The following UBR4 variants were observed in gnomAD, a reference collection of about 807,000 sequenced individuals.
UBR4 encodes the protein E3 ubiquitin-protein ligase UBR4.
In UBR4, 124 loss-of-function variants were observed where a neutral mutation model predicts 575.6. The ratio of observed to expected loss-of-function variants is 0.22; its 90% CI spans 0.19 to 0.25. The LOEUF (loss-of-function observed/expected upper bound fraction) is 0.25. Ranked by LOEUF, UBR4 falls within the 10% of genes least tolerant of loss-of-function variation. UBR4 has a pLI of 1.00. For synonymous variants in UBR4, 2,455 were observed against 2,473.7 expected, an observed-to-expected ratio of 0.99 and a Z score of 0.22; for missense variants, 4,818 against 6,478.8, an observed-to-expected ratio of 0.74 and a Z score of 8.80.
In UBR4 at chr1:19,198,538, C is replaced by G. The variant is rs1488529930; in HGVS notation, c.648+3G>C. 1.2e-6 allele frequency: 2 copies of G among 1,611,236 alleles called. No individual in the cohort carries two copies. Among genetic ancestry groups the G allele is most frequent in the African/African-American group, 2.7e-5 (2 of 74,866 alleles). ...AAGAAGACATTTGACTAAAGAAACT[C>G]ACCAGAGTCTGTGTACTGATAGGTT... On this transcript the variant is annotated splice_donor_region_variant and intron_variant, in intron 5 of 105. Coordinates refer to ENST00000375254, the MANE Select transcript of UBR4 (RefSeq NM_020765.3).
chr1:19,171,568 C>T (rs1014173187), intron 25 of UBR4, among the ~76,000 whole-genome samples: 2 of 152,172 alleles, frequency 1.3e-5, no homozygotes, highest in Non-Finnish European at 2.9e-5. Flanking sequence ...GAGCTGGGCA[C>T]GGTGGCTCAC....
intron 39 of UBR4, 141 bp downstream of exon 39, chr1:19,159,970 T>C: frequency 9.3e-7 from 1 of 1,078,402 alleles, no homozygotes; most frequent in Non-Finnish European, 1.3e-6. Flanking sequence ...GGGCATGTCA[T>C]GATGTCTTAG....
intron 97 of UBR4, among the ~76,000 whole-genome samples, chr1:19,090,730 A>G (rs1347239913): frequency 1.3e-5 from 2 of 152,238 alleles, no homozygotes; most frequent in East Asian, 1.9e-4. Context: ...GAATGGCCAT[A>G]GCATAAATGC....
rs141666595 is a variant in UBR4 at position 19,084,654 on chromosome 1, G to A, written c.14858C>T (p.Thr4953Met). The change falls in exon 102 of 106, where the codon ACG becomes ATG. Residue 4953 changes from threonine (T) to methionine (M), a missense_variant. This residue lies in a region of UBR4 where 196 missense variants were observed against 386.8 expected (regional missense o/e 0.51). Transcript: ENST00000375254. ...GATGTCATGGATGTTGAGCTGATAC[G>A]TGGGCTCCCGCTGGCCTGTACATTC... ...LQECTGQREP[T>M]YQLNIHDIKL... is the part of the protein sequence containing the mutation. The A allele has an allele frequency of 5.0e-6, 8 of 1,613,904 alleles. No homozygotes were observed. The highest frequency in any genetic ancestry group is 4.0e-5 in the African/African-American group (3 of 74,938).
At chr1:19,196,679 C>G (rs776944058) in intron 8 of UBR4, among the ~76,000 whole-genome samples, 1 of 152,164 alleles carries the variant, frequency 6.6e-6, no homozygotes, top group Non-Finnish European at 1.5e-5. Flanking sequence ...TTCCACGAAG[C>G]CTTCTTCAAA....
rs201288977 is a variant in UBR4, at chr1:19,152,354, G to C, written c.6955C>G (p.His2319Asp). 6.8e-6 allele frequency: 11 copies of C among 1,613,952 alleles called. No individual in the cohort carries two copies. The highest frequency in any genetic ancestry group is 7.6e-6 in the Non-Finnish European group (9 of 1,179,850). ...LQVYNAQQIK[H>D]RLNSTGMYVA... ...TACATGCCAGTGGAATTCAGCCGGT[G>C]TTTTATCTGTTGTGCATTATAGACC... The change falls in exon 47 of 106, where the codon CAC (histidine) becomes GAC (aspartate). Residue 2319 changes from histidine (H) to aspartate (D), a missense_variant. Physicochemically the swap from His to Asp is moderately conservative, Grantham distance 81 (BLOSUM62 -1). Around this residue, in one of 29 missense-constraint regions of UBR4, gnomAD observed 461 missense variants for 606.9 expected, o/e 0.76. Coordinates refer to ENST00000375254, the MANE Select transcript of UBR4 (RefSeq NM_020765.3). This position sits in a 1 kb window ranked among gnomAD's most constrained non-coding sequence, Gnocchi z 4.4.
rs2077302447 is a variant in UBR4, at chr1:19,089,373, G to A, written c.14212-396C>T. ...GTACTGAGTGGTGAACCAGCAGCCAGAGCAGGCACTGGACGTTCTCCTAAG... is the reference window on the plus strand; with the variant it reads ...GTACTGAGTGGTGAACCAGCAGCCAAAGCAGGCACTGGACGTTCTCCTAAG... On this transcript the variant is annotated intron_variant, in intron 97 of 105. Transcript: ENST00000375254. The surrounding 1 kb of genome is among the most constrained non-coding windows in gnomAD (Gnocchi z 4.3). 6.6e-6 allele frequency among the ~76,000 whole-genome samples: 1 copy of A among 152,206 alleles called. No homozygotes were observed. Among genetic ancestry groups the A allele is most frequent in the Admixed American group, 6.5e-5 (1 of 15,284 alleles).
intron 102 of UBR4, chr1:19,081,919 G>A (rs1313899372): frequency 3.3e-6 from 2 of 604,246 alleles, no homozygotes; most frequent in African/African-American, 3.7e-5. Flanking sequence ...AGTAACTCCA[G>A]AGGCCCAGAA....
At chr1:19,123,405 C>T (rs139601862) in intron 65 of UBR4, among the ~76,000 whole-genome samples, 6 of 147,512 alleles carry the variant, frequency 4.1e-5, no homozygotes, top group Admixed American at 2.7e-4. Flanking sequence ...GAGCAGAGAT[C>T]GTGTCACTGC....
Position 19,117,980 on chromosome 1 carries a change from C to A in UBR4, c.10542-70G>T, listed in dbSNP as rs1388024309. On this transcript the variant is annotated intron_variant, in intron 71 of 105. Transcript: ENST00000375254. The surrounding 1 kb of genome is among the most constrained non-coding windows in gnomAD (Gnocchi z 4.0). ...GAAGCACTGAGTTTCACAAAAAAAT[C>A]ATGACAAAGCCATGGCTCAATGTGA... 6.8e-7 allele frequency: 1 copy of A among 1,478,304 alleles called. No homozygotes were observed. 91.6% of individuals were successfully genotyped at this position (1,478,304 alleles called of 1,614,324 possible). A position where few individuals can be genotyped will look rare whatever the true frequency, so the allele number is the denominator to read the frequency against.
intron 14 of UBR4, among the ~76,000 whole-genome samples, chr1:19,185,903 A>G (rs988104415): frequency 6.6e-6 from 1 of 152,178 alleles, no homozygotes; most frequent in African/African-American, 2.4e-5. Flanking sequence ...AAAGAAAGAA[A>G]AACAACTTCA....
At chr1:19,144,346 C>G (rs563583541) in intron 54 of UBR4, among the ~76,000 whole-genome samples, 14 of 152,306 alleles carry the variant, frequency 9.2e-5, no homozygotes, top group African/African-American at 3.1e-4. Flanking sequence ...GCTCCTGAGG[C>G]CATTTTGGCC....
chr1:19,146,983 G>C lies in UBR4; in HGVS notation c.7647C>G (p.Ser2549Arg), dbSNP rs2084958162. ...YHSHKDQALLSKAVQCLNTSS... is the reference protein window; with the variant it reads ...YHSHKDQALLRKAVQCLNTSS... The stretch of plus-strand genomic sequence containing the variant: ...ATGTGTTGAGACACTGCACAGCTTT[G>C]CTCAGCAAGGCCTGATCCTGTAAAA... The change falls in exon 52 of 106, where the codon AGC becomes AGG. Residue 2549 changes from serine (S) to arginine (R), a missense_variant. Transcript: ENST00000375254. 1 of 1,608,066 alleles carries C rather than the reference G, an allele frequency of 6.2e-7. No individual in the cohort carries two copies. Among genetic ancestry groups the C allele is most frequent in the Non-Finnish European group, 8.5e-7 (1 of 1,176,026 alleles).
At position 19,093,087 on chromosome 1, in the gene UBR4, G is replaced by A. The variant is rs1436117346; in HGVS notation, c.14112-169C>T. On this transcript the variant is annotated intron_variant, in intron 96 of 105. Coordinates refer to ENST00000375254, the MANE Select transcript of UBR4 (RefSeq NM_020765.3). The surrounding 1 kb of genome is among the most constrained non-coding windows in gnomAD (Gnocchi z 4.8). Reference sequence around the variant, plus strand: ...CCCAGCTCAGCTGAAAAGCCAGAAAGAAGTGAGTACTCTAAGTAGAAACCA... The same window carrying A: ...CCCAGCTCAGCTGAAAAGCCAGAAAAAAGTGAGTACTCTAAGTAGAAACCA... Among the ~76,000 whole-genome samples, 1 of 152,336 alleles carries A rather than the reference G, an allele frequency of 6.6e-6. No homozygotes were observed. The highest frequency in any genetic ancestry group is 1.9e-4 in the East Asian group (1 of 5,186).
intron 102 of UBR4, among the ~76,000 whole-genome samples, chr1:19,083,561 G>A (rs767149296): frequency 5.3e-5 from 8 of 152,182 alleles, no homozygotes; most frequent in Non-Finnish European, 1.2e-4. Flanking sequence ...TTGAGACATG[G>A]TCTTGCTCTG....
chr1:19,105,152 C>A lies in UBR4; in HGVS notation c.12541G>T (p.Ala4181Ser), dbSNP rs1478485175. 2 of 1,614,102 alleles carry A rather than the reference C, an allele frequency of 1.2e-6. No individual in the cohort carries two copies. Among genetic ancestry groups the A allele is most frequent in the Non-Finnish European group, 1.7e-6 (2 of 1,179,992 alleles). Residue 4181 changes from alanine to serine, a missense_variant, in exon 85 of 106, where the codon GCT becomes TCT. Transcript: ENST00000375254. Reference protein sequence around the residue: ...DELSIAGECAAEYLALYQKLI... With the variant: ...DELSIAGECASEYLALYQKLI... ...TTCTGGTAGAGAGCCAGGTACTCAG[C>A]TGCACACTCCCCAGCTATGCTCAGC... is the stretch of plus-strand genomic sequence containing the variant.
At position 19,148,111 on chromosome 1, in the gene UBR4, G is replaced by A. The variant is rs1034946630; in HGVS notation, c.7511C>T (p.Ala2504Val). The A allele has an allele frequency of 1.2e-6, 2 of 1,607,784 alleles. No homozygotes were observed. The highest frequency in any genetic ancestry group is 1.7e-6 in the Non-Finnish European group (2 of 1,179,044). ...PIIEKERNKN[A>V]AQELATLLLS... ...CAGCAAAGTGGCCAGCTCCTGAGCA[G>A]CATTCTTGTTTCTCTCCTAAGGCAA... is the stretch of plus-strand genomic sequence containing the variant. Residue 2504 changes from alanine (A) to valine (V), a missense_variant, in exon 51 of 106, where the codon GCT becomes GTT. Physicochemically the swap from Ala to Val is moderately conservative, Grantham distance 64. This residue lies in a region of UBR4 where 340 missense variants were observed against 375.4 expected (regional missense o/e 0.91). Coordinates refer to ENST00000375254, the MANE Select transcript of UBR4 (RefSeq NM_020765.3).
intron 48 of UBR4, 167 bp from the exon 49 acceptor site, chr1:19,150,960 C>T: frequency 2.8e-6 from 2 of 704,708 alleles, no homozygotes; most frequent in East Asian, 2.7e-5. Flanking sequence ...TGTATATATG[C>T]TGAATACATG....
At chr1:19,102,698 T>C (rs1204342420) in intron 87 of UBR4, among the ~76,000 whole-genome samples, 2 of 152,166 alleles carry the variant, frequency 1.3e-5, no homozygotes, top group South Asian at 2.1e-4. Flanking sequence ...TTGGTTTCCA[T>C]GCCCTGCCCA....
Sources: gnomAD v4.1 joint callset for allele counts (sites outside exome capture counted in the v4.1 genomes callset) on GRCh38, gnomAD v4.1.1 for gene constraint, gnomAD v4.1.1 regional missense constraint, Gnocchi (gnomAD v3.1) non-coding constraint, MANE v1.5 for transcripts, NCBI Gene and HGNC (gene_info 2026-07-23, HGNC 2026-07-21) for gene names.